Variants in YWHAQ observed in about 807,000 individuals in gnomAD.
The protein encoded by YWHAQ is tyrosine 3-monooxygenase/tryptophan 5-monooxygenase activation protein theta.
YWHAQ carries 6 observed loss-of-function variants against 28.3 expected under a neutral mutation model. The observed-to-expected ratio is 0.21, with a 90% CI of 0.12 to 0.42. The LOEUF is 0.42. Among genes scored for constraint, YWHAQ ranks in the 10% least tolerant of loss-of-function variants. The pLI, the probability that YWHAQ is intolerant of heterozygous loss-of-function variation, is 1.00. For missense variants in YWHAQ, 201 were observed against 305.6 expected (o/e 0.66, Z 2.55); for synonymous variants, 143 against 119.1 (o/e 1.20, Z -1.31).
chr2:9,623,119 G>A (rs1667174050), intron 2 of YWHAQ, among the ~76,000 whole-genome samples: 1 of 152,202 alleles, frequency 6.6e-6, no homozygotes, highest in Admixed American at 6.5e-5. Flanking sequence ...AACTACATGA[G>A]ACTTAAAAAT....
At chr2:9,601,172 A>G (rs908448455) in intron 2 of YWHAQ, among the ~76,000 whole-genome samples, 2 of 152,222 alleles carry the variant, frequency 1.3e-5, no homozygotes, top group African/African-American at 4.8e-5. Context: ...CATTAATATT[A>G]TAATTCAGGC....
At chr2:9,619,665 T>TATTC (rs1158384590) in intron 2 of YWHAQ, among the ~76,000 whole-genome samples, 1 of 152,216 alleles carries the variant, frequency 6.6e-6, no homozygotes, top group African/African-American at 2.4e-5. Flanking sequence ...TTTAATGGGA[T>TATTC]ATTCTATCCT....
At chr2:9,595,698 CA>C (rs34902007) in intron 2 of YWHAQ, among the ~76,000 whole-genome samples, 33,789 of 75,398 alleles carry the variant, frequency 0.45, 4,747 homozygotes, top group African/African-American at 0.57. Context: ...AATTCCATCT[CA>C]AAAAAAAAAA....
rs1666714739 is a variant in YWHAQ, at chr2:9,602,579, C to T, written c.295-11064G>A. ...GTGAGTCCCACCACCCAGCTGTCTC[C>T]CCCAGCCTGGAACGGAGTGCAGTGC... On this transcript the variant is annotated intron_variant, in intron 2 of 5. Coordinates refer to ENST00000238081, the MANE Select transcript of YWHAQ (RefSeq NM_006826.4). 2.6e-5 allele frequency among the ~76,000 whole-genome samples: 4 copies of T among 151,386 alleles called. No homozygotes were observed. The South Asian group carries it at 8.4e-4, about 32-fold the overall frequency.
At chr2:9,621,357 T>A (rs1332188430) in intron 2 of YWHAQ, among the ~76,000 whole-genome samples, 6 of 152,156 alleles carry the variant, frequency 3.9e-5, no homozygotes, top group African/African-American at 1.4e-4. Context: ...CATTCTCGTA[T>A]CTTGAGGATA....
At chr2:9,594,541 G>A (rs1558542368) in intron 2 of YWHAQ, among the ~76,000 whole-genome samples, 2 of 152,034 alleles carry the variant, frequency 1.3e-5, no homozygotes, top group Non-Finnish European at 2.9e-5. Flanking sequence ...TATTTATACC[G>A]AGAGAAATAC....
At chr2:9,597,362 G>A (rs1324800596) in intron 2 of YWHAQ, among the ~76,000 whole-genome samples, 1 of 152,092 alleles carries the variant, frequency 6.6e-6, no homozygotes, top group Non-Finnish European at 1.5e-5. Flanking sequence ...TCTAAGAATT[G>A]TTGGGGCAGA....
At chr2:9,599,124 C>A (rs1572991899) in intron 2 of YWHAQ, among the ~76,000 whole-genome samples, 2 of 152,194 alleles carry the variant, frequency 1.3e-5, no homozygotes, top group African/African-American at 4.8e-5. Flanking sequence ...CCACAACATT[C>A]CTTTAAATCA....
At chr2:9,587,292 C>T in intron 5 of YWHAQ, 122 bp downstream of exon 5, 1 of 826,770 alleles carries the variant, frequency 1.2e-6, no homozygotes, top group Non-Finnish European at 1.8e-6. Context: ...CCATAAAATA[C>T]TAACACGTAT....
At chr2:9,613,093 T>C (rs190149748) in intron 2 of YWHAQ, among the ~76,000 whole-genome samples, 91 of 152,302 alleles carry the variant, frequency 6.0e-4, no homozygotes, top group Non-Finnish European at 1.0e-3. Context: ...TTTACTCGTC[T>C]AGCACCCTAC....
chr2:9,629,686 T>TA (rs1355741055), intron 2 of YWHAQ, among the ~76,000 whole-genome samples: 1 of 152,142 alleles, frequency 6.6e-6, no homozygotes, highest in Non-Finnish European at 1.5e-5. Flanking sequence ...ACTTGAAAAA[T>TA]AAAGTATCTG....
rs77661177 is a variant in YWHAQ, at chr2:9,614,577, C to T, written c.294+15582G>A. On this transcript the variant is annotated intron_variant, in intron 2 of 5. Coordinates refer to ENST00000238081, the MANE Select transcript of YWHAQ (RefSeq NM_006826.4). Reference sequence around the variant, plus strand: ...CCTAATAAAAGGATGTTGCATTAAACAAAAATAGGTCAAAATTGCCTTGCT... The same window carrying T: ...CCTAATAAAAGGATGTTGCATTAAATAAAAATAGGTCAAAATTGCCTTGCT... Among the ~76,000 whole-genome samples, 517 of 152,230 alleles carry T rather than the reference C, an allele frequency of 3.4e-3. 3 individuals carry two copies. Among genetic ancestry groups the T allele is most frequent in the African/African-American group, 0.012 (503 of 41,536 alleles).
intron 4 of YWHAQ, 71 bp downstream of exon 4, chr2:9,588,094 C>G: frequency 6.9e-7 from 1 of 1,457,038 alleles, no homozygotes; most frequent in Non-Finnish European, 9.1e-7. Context: ...AGTAAAATAC[C>G]TATAAATTAA....
intron 5 of YWHAQ, among the ~76,000 whole-genome samples, chr2:9,586,585 C>T (rs1160972673): frequency 1.3e-5 from 2 of 152,172 alleles, no homozygotes; most frequent in African/African-American, 2.4e-5. Context: ...CTTCCATTGT[C>T]CCCTCACAAC....
Position 9,624,622 on chromosome 2 carries a change from T to C in YWHAQ, c.294+5537A>G, listed in dbSNP as rs76284813. ...CCACTAGACGTGAGCAGCACCTTCC[T>C]TCCTCAAGTCTTAACCCAAAAGGTC... On this transcript the variant is annotated intron_variant, in intron 2 of 5. Coordinates refer to ENST00000238081, the MANE Select transcript of YWHAQ (RefSeq NM_006826.4). Among the ~76,000 whole-genome samples the C allele has an allele frequency of 2.1e-3, 326 of 152,260 alleles. 1 individual carries two copies. The highest frequency in any genetic ancestry group is 7.6e-3 in the African/African-American group (314 of 41,548).
chr2:9,610,875 G>A (rs976945535), intron 2 of YWHAQ, among the ~76,000 whole-genome samples: 1 of 151,880 alleles, frequency 6.6e-6, no homozygotes, highest in East Asian at 1.9e-4. Context: ...TCCCCTACTC[G>A]ATTTTCTGTC....
At chr2:9,593,919 T>TACACACACACAC (rs765018439) in intron 2 of YWHAQ, among the ~76,000 whole-genome samples, 3 of 124,978 alleles carry the variant, frequency 2.4e-5, no homozygotes, top group African/African-American at 7.9e-5. Flanking sequence ...TATATATATA[T>TACACACACACAC]ATATACACAC....
At chr2:9,599,600 C>A (rs1200136897) in intron 2 of YWHAQ, among the ~76,000 whole-genome samples, 2 of 152,054 alleles carry the variant, frequency 1.3e-5, no homozygotes, top group Non-Finnish European at 2.9e-5. Flanking sequence ...AACAACCAAC[C>A]AAGCCTGGAT....
chr2:9,591,445 T>C lies in YWHAQ; in HGVS notation c.365A>G (p.Lys122Arg), dbSNP rs1666453511. The change falls in exon 3 of 6, where the codon AAG (lysine) becomes AGG (arginine). Residue 122 changes from lysine (K) to arginine (R), a missense_variant. This residue lies in a region of YWHAQ where 162 missense variants were observed against 213.9 expected (regional missense o/e 0.76). Coordinates refer to ENST00000238081, the MANE Select transcript of YWHAQ (RefSeq NM_006826.4). Reference sequence around the variant, plus strand: ...AGCAAGGTACCGGAAGTAATCACCCTTCATTTTCAGATAGAAGACCTTACT... The same window carrying C: ...AGCAAGGTACCGGAAGTAATCACCCCTCATTTTCAGATAGAAGACCTTACT... ...PESKVFYLKM[K>R]GDYFRYLAEV... 1 of 1,613,358 alleles carries C rather than the reference T, an allele frequency of 6.2e-7. No homozygotes were observed. The highest frequency in any genetic ancestry group is 8.5e-7 in the Non-Finnish European group (1 of 1,179,512).
Sources: allele counts gnomAD v4.1 joint callset (sites outside exome capture counted in the v4.1 genomes callset), GRCh38; gene constraint gnomAD v4.1.1; regional missense constraint gnomAD v4.1.1; transcripts MANE v1.5; gene names NCBI Gene and HGNC (gene_info 2026-07-23, HGNC 2026-07-21).